Variants in DHRS7 observed in about 807,000 individuals in gnomAD.
The protein encoded by DHRS7 is dehydrogenase/reductase 7.
DHRS7 carries 34 observed loss-of-function variants against 38.9 expected under a neutral mutation model. The observed-to-expected ratio is 0.87, with a 90% CI of 0.66 to 1.16. The LOEUF is 1.16. DHRS7 is among the 50% of genes most tolerant of loss of function. DHRS7 has a pLI of 0.00. For missense variants in DHRS7, 421 were observed against 407.0 expected (o/e 1.03, Z -0.30); for synonymous variants, 158 against 153.1 (o/e 1.03, Z -0.24).
In DHRS7 at chr14:60,154,134, A is replaced by G. The variant is rs75095650; in HGVS notation, c.287-69T>C. 2.5e-6 allele frequency: 3 copies of G among 1,196,590 alleles called. No homozygotes were observed. The East Asian group carries it at 7.4e-5, about 30-fold the overall frequency. The allele number at this position is 1,196,590 out of a possible 1,614,324, so 74.1% of individuals were successfully genotyped here. A position where few individuals can be genotyped will look rare whatever the true frequency, so the allele number is the denominator to read the frequency against. Reference sequence around the variant, plus strand: ...AGTCAAGCTCCTTGCTACTCCCACTAACACCCACCCTGCAACAGGACTTGG... The same window carrying G: ...AGTCAAGCTCCTTGCTACTCCCACTGACACCCACCCTGCAACAGGACTTGG... On this transcript the variant is annotated intron_variant, in intron 2 of 6. Coordinates refer to ENST00000557185, the MANE Select transcript of DHRS7 (RefSeq NM_016029.4).
Position 60,155,957 on chromosome 14 carries a change from ATT to A in DHRS7, c.286+41_286+42del, listed in dbSNP as rs1226035917. ...CAAAACTGTATTTGAGTTTGGACTGATTTATTTCTAGGAAGCACCGCTGCTAT... is the reference window on the plus strand; with the variant it reads ...CAAAACTGTATTTGAGTTTGGACTGATATTTCTAGGAAGCACCGCTGCTAT... On this transcript the variant is annotated intron_variant, in intron 2 of 6. Transcript: ENST00000557185. The A allele has an allele frequency of 7.5e-6, 11 of 1,457,056 alleles. No homozygotes were observed. The Admixed American group carries it at 2.8e-4, about 37-fold the overall frequency. The allele number at this position is 1,457,056 out of a possible 1,614,324, so 90.3% of individuals were successfully genotyped here.
Position 60,153,263 on chromosome 14 carries a change from T to C in DHRS7, c.394-85A>G, listed in dbSNP as rs2140597547. 6.8e-7 allele frequency: 1 copy of C among 1,477,332 alleles called. No individual in the cohort carries two copies. The highest frequency in any genetic ancestry group is 9.3e-7 in the Non-Finnish European group (1 of 1,079,554). 91.5% of individuals were successfully genotyped at this position (1,477,332 alleles called of 1,614,324 possible). ...AATTCCTATGGATGGTTGGTTATTT[T>C]GTTAACTTAAAGAATCAATGGAACA... On this transcript the variant is annotated intron_variant, in intron 3 of 6. Coordinates refer to ENST00000557185, the MANE Select transcript of DHRS7 (RefSeq NM_016029.4). The surrounding 1 kb of genome is among the most constrained non-coding windows in gnomAD (Gnocchi z 4.4).
rs1595203763 is a variant in DHRS7, at chr14:60,165,195, A to C, written c.115T>G (p.Trp39Gly). 1 of 1,612,810 alleles carries C rather than the reference A, an allele frequency of 6.2e-7. No individual in the cohort carries two copies. The highest frequency in any genetic ancestry group is 8.5e-7 in the Non-Finnish European group (1 of 1,179,804). The change falls in exon 1 of 7, where the codon TGG becomes GGG. Residue 39 changes from tryptophan to glycine, a missense_variant. By Grantham distance (184) the Trp-to-Gly change is radical. Transcript: ENST00000557185. The surrounding 1 kb of genome is among the most constrained non-coding windows in gnomAD (Gnocchi z 4.6). ...DGDLTLLWAE[W>G]QGRRPEWELT... ...TCCTCACCTGGGCGTCGTCCCTGCC[A>C]CTCGGCCCATAGTAGCGTCAGGTCG...
Position 60,150,165 on chromosome 14 carries a change from G to A in DHRS7, c.656C>T (p.Thr219Ile). 6.8e-7 allele frequency: 1 copy of A among 1,464,496 alleles called. No homozygotes were observed. Among genetic ancestry groups the A allele is most frequent in the Non-Finnish European group, 9.1e-7 (1 of 1,103,932 alleles). The allele number at this position is 1,464,496 out of a possible 1,614,324, so 90.7% of individuals were successfully genotyped here. A position where few individuals can be genotyped will look rare whatever the true frequency, so the allele number is the denominator to read the frequency against. Residue 219 changes from threonine to isoleucine, a missense_variant, in exon 5 of 7, where the codon ACA becomes ATA. Coordinates refer to ENST00000557185, the MANE Select transcript of DHRS7 (RefSeq NM_016029.4). ...TATACCTGGGTATGTGGCAAGTTCT[G>A]TTCGAAGGCCATTAAAAAAACCCTA... The part of the protein sequence containing the change: ...ALRGFFNGLR[T>I]ELATYPGIIV...
chr14:60,168,724 C>A (rs1199215733), upstream of DHRS7: 9 of 1,563,704 alleles, frequency 5.8e-6, no homozygotes, highest in East Asian at 1.7e-4. Context: ...GCAGAGTGAA[C>A]AGAAATTTAT....
chr14:60,168,505 G>A (rs78814683), upstream of DHRS7, among the ~76,000 whole-genome samples: 520 of 152,282 alleles, frequency 3.4e-3, 17 homozygotes, highest in East Asian at 0.056. Flanking sequence ...AAATTTACTA[G>A]TGGGGAGAAC....
rs915202779 is a variant in DHRS7, at chr14:60,162,345, G to C, written c.133+2832C>G. 6.6e-6 allele frequency among the ~76,000 whole-genome samples: 1 copy of C among 151,520 alleles called. No individual in the cohort carries two copies. Among genetic ancestry groups the C allele is most frequent in the African/African-American group, 2.4e-5 (1 of 41,186 alleles). ...CTATGATCATGCCACTGCACTCCAGGCTGGGTGACAAAGCAAGACCTTGTC... is the reference window on the plus strand; with the variant it reads ...CTATGATCATGCCACTGCACTCCAGCCTGGGTGACAAAGCAAGACCTTGTC... On this transcript the variant is annotated intron_variant, in intron 1 of 6. Transcript: ENST00000557185. The surrounding 1 kb of genome is among the most constrained non-coding windows in gnomAD (Gnocchi z 4.5).
At chr14:60,160,240 T>C (rs1186172215) in intron 1 of DHRS7, among the ~76,000 whole-genome samples, 1 of 151,708 alleles carries the variant, frequency 6.6e-6, no homozygotes, top group Non-Finnish European at 1.5e-5. Flanking sequence ...GCAGGGAGAA[T>C]TGCTTGAACC....
upstream of DHRS7, chr14:60,165,471 C>G (rs1198108401): frequency 5.9e-6 from 8 of 1,353,712 alleles, no homozygotes; most frequent in East Asian, 9.4e-5. The surrounding 1 kb of genome is among the most constrained non-coding windows in gnomAD (Gnocchi z 4.6). Flanking sequence ...TCGGGCGCGC[C>G]GGGCTCAGCA....
chr14:60,164,092 C>T (rs1254029), intron 1 of DHRS7, among the ~76,000 whole-genome samples: 40,165 of 151,466 alleles, frequency 0.27, 7,227 homozygotes, highest in African/African-American at 0.51. Context: ...CCCAAGAAAA[C>T]CCAACCAGAA....
chr14:60,165,411 G>A (rs1896852606), upstream of DHRS7: 1 of 1,464,754 alleles, frequency 6.8e-7, no homozygotes, highest in Admixed American at 2.3e-5. This position sits in a 1 kb window ranked among gnomAD's most constrained non-coding sequence, Gnocchi z 4.6. Flanking sequence ...CCAGCCCAGA[G>A]CCGCACTGCC....
At chr14:60,149,298 G>T in intron 6 of DHRS7, 55 bp downstream of exon 6, 1 of 1,552,912 alleles carries the variant, frequency 6.4e-7, no homozygotes, top group Non-Finnish European at 8.9e-7. Flanking sequence ...GGAAAATTCT[G>T]TACCTTCCTG....
rs1566531145 is a variant in DHRS7, at chr14:60,151,540, A to ACCCC, written c.634-1354_634-1353insGGGG. On this transcript the variant is annotated intron_variant, in intron 4 of 6. Coordinates refer to ENST00000557185, the MANE Select transcript of DHRS7 (RefSeq NM_016029.4). ...TGCCAGACTCAGAGATGAACCCAAA[A>ACCCC]AAAAAAAAAAAGCTTGCTAATTGAA... 3.7e-4 allele frequency among the ~76,000 whole-genome samples: 56 copies of ACCCC among 152,082 alleles called. 1 individual carries two copies. The South Asian group carries it at 8.7e-3, about 24-fold the overall frequency.
chr14:60,152,862 C>T, intron 4 of DHRS7, 77 bp downstream of exon 4: 1 of 1,532,446 alleles, frequency 6.5e-7, no homozygotes, highest in Non-Finnish European at 9.0e-7. Flanking sequence ...GTTCCAAGGA[C>T]CTCACACAGT....
intron 1 of DHRS7, among the ~76,000 whole-genome samples, chr14:60,160,624 C>A (rs1353656171): frequency 6.6e-6 from 1 of 152,018 alleles, no homozygotes; most frequent in Admixed American, 6.5e-5. Context: ...GGCTCTGTCA[C>A]CCAAGCTGGA....
chr14:60,161,798 C>T lies in DHRS7; in HGVS notation c.133+3379G>A, dbSNP rs543562626. On this transcript the variant is annotated intron_variant, in intron 1 of 6. Coordinates refer to ENST00000557185, the MANE Select transcript of DHRS7 (RefSeq NM_016029.4). This position sits in a 1 kb window ranked among gnomAD's most constrained non-coding sequence, Gnocchi z 4.2. ...TGGACTGTGGCTGATTCAGTCACTG[C>T]AGTGTCCCCAGTGCCCCAGCACAGA... 1.8e-4 allele frequency among the ~76,000 whole-genome samples: 27 copies of T among 152,314 alleles called. No individual in the cohort carries two copies. In the South Asian group the frequency reaches 2.3e-3, roughly 13 times the overall value.
intron 4 of DHRS7, among the ~76,000 whole-genome samples, chr14:60,151,538 A>C (rs199840848): frequency 0.043 from 6,296 of 146,418 alleles, 322 homozygotes; most frequent in East Asian, 0.15. Flanking sequence ...GATGAACCCA[A>C]AAAAAAAAAA....
rs1485578990 is a variant in DHRS7, at chr14:60,156,064, TC to T, written c.221del (p.Gly74GlufsTer17). 1 of 1,607,220 alleles carries T rather than the reference TC, an allele frequency of 6.2e-7. No homozygotes were observed. Among genetic ancestry groups the T allele is most frequent in the East Asian group, 2.3e-5 (1 of 44,290 alleles). On this transcript the variant is annotated frameshift_variant, in exon 2 of 7. Coordinates refer to ENST00000557185, the MANE Select transcript of DHRS7 (RefSeq NM_016029.4). LOFTEE classifies it high-confidence loss of function. The part of the protein sequence containing the change: ...EELAYQLSKL[G>X]VSLVLSARRV... ...TTCTGGCTGACAGCACAAGAGAAACTCCTAGTTTAGACAACTGGTAAGCCAG... is the reference window on the plus strand; with the variant it reads ...TTCTGGCTGACAGCACAAGAGAAACTCTAGTTTAGACAACTGGTAAGCCAG...
upstream of DHRS7, chr14:60,165,663 A>G: frequency 1.9e-6 from 2 of 1,065,796 alleles, no homozygotes; most frequent in Non-Finnish European, 2.3e-6. The surrounding 1 kb of genome is among the most constrained non-coding windows in gnomAD (Gnocchi z 4.6). Context: ...TTCAAACATA[A>G]GCTACATATT....
Sources: allele counts gnomAD v4.1 joint callset (sites outside exome capture counted in the v4.1 genomes callset), GRCh38; gene constraint gnomAD v4.1.1; non-coding constraint Gnocchi (gnomAD v3.1); transcripts MANE v1.5; gene names NCBI Gene and HGNC (gene_info 2026-07-23, HGNC 2026-07-21).